The following IGF1 variants were observed in gnomAD, a reference collection of about 807,000 sequenced individuals.
IGF1 encodes the protein insulin-like growth factor 1.
A neutral mutation model predicts 13.8 loss-of-function variants in IGF1; 4 were observed. The ratio of observed to expected loss-of-function variants is 0.29; its 90% confidence interval spans 0.14 to 0.66. The LOEUF (loss-of-function observed/expected upper bound fraction) is 0.66, where lower values mean the gene tolerates loss of function less well. Among genes scored for constraint, IGF1 ranks in the 30% least tolerant of loss-of-function variants. The pLI is 0.78. For synonymous variants in IGF1, 76 were observed against 72.6 expected, an observed-to-expected ratio of 1.05 and a Z score of -0.23; for missense variants, 124 against 188.5, an observed-to-expected ratio of 0.66 and a Z score of 2.00.
At chr12:102,437,838 A>G (rs1277652093) in intron 2 of IGF1, among the ~76,000 whole-genome samples, 1 of 152,238 alleles carries the variant, frequency 6.6e-6, no homozygotes. Flanking sequence ...ACCCTGTTAG[A>G]CTTTTACACA....
At chr12:102,462,361 T>C (rs1408703560) in intron 2 of IGF1, among the ~76,000 whole-genome samples, 1 of 152,202 alleles carries the variant, frequency 6.6e-6, no homozygotes. Context: ...AAATCATTTA[T>C]ATTCATTGAA....
In IGF1 at chr12:102,464,817, C is replaced by T. The variant is rs17886237; in HGVS notation, c.220+10826G>A. The stretch of plus-strand genomic sequence containing the variant: ...TGTACAACTTGAGAGTGCGAAGATA[C>T]TTTTTCTGATTAGTGAGTACATTTC... On this transcript the variant is annotated intron_variant, in intron 2 of 3. Transcript: ENST00000337514. Among the ~76,000 whole-genome samples the T allele has an allele frequency of 4.4e-3, 671 of 152,290 alleles. 8 individuals carry two copies. Among genetic ancestry groups the T allele is most frequent in the African/African-American group, 0.015 (631 of 41,544 alleles).
chr12:102,430,220 A>G (rs1451787756), intron 2 of IGF1, among the ~76,000 whole-genome samples: 1 of 152,158 alleles, frequency 6.6e-6, no homozygotes, highest in African/African-American at 2.4e-5. Flanking sequence ...CCTTTCTGAT[A>G]CACAGTCTTT....
chr12:102,418,617 A>G (rs1875380473), intron 3 of IGF1, among the ~76,000 whole-genome samples: 1 of 152,188 alleles, frequency 6.6e-6, no homozygotes, highest in African/African-American at 2.4e-5. Context: ...CCCTTACTCA[A>G]CTTCCTTGCC....
At chr12:102,448,655 A>C (rs1039723936) in intron 2 of IGF1, among the ~76,000 whole-genome samples, 3 of 145,290 alleles carry the variant, frequency 2.1e-5, no homozygotes, top group African/African-American at 7.6e-5. Flanking sequence ...TAACTTGCAC[A>C]ATGTGCACAT....
intron 2 of IGF1, among the ~76,000 whole-genome samples, chr12:102,472,338 G>A (rs898066675): frequency 4.1e-5 from 6 of 146,634 alleles, no homozygotes; most frequent in Non-Finnish European, 7.6e-5. Flanking sequence ...AGGGGAATAT[G>A]AGCTCAATTC....
chr12:102,474,477 T>G (rs182090037), intron 2 of IGF1, among the ~76,000 whole-genome samples: 1 of 152,304 alleles, frequency 6.6e-6, no homozygotes, highest in East Asian at 1.9e-4. Flanking sequence ...CCCATCTCCC[T>G]TACTGATCTC....
At chr12:102,403,213 A>G (rs1873833166) in intron 3 of IGF1, among the ~76,000 whole-genome samples, 1 of 152,172 alleles carries the variant, frequency 6.6e-6, no homozygotes, top group Non-Finnish European at 1.5e-5. Context: ...CTAGGGTAAC[A>G]ATAATATCTA....
chr12:102,425,677 A>G (rs1252275795), intron 2 of IGF1, among the ~76,000 whole-genome samples: 2 of 152,236 alleles, frequency 1.3e-5, no homozygotes, highest in South Asian at 2.1e-4. Context: ...CCAGGAAGCT[A>G]AAGTGCAAGT....
At chr12:102,419,752 C>T (rs1875531011) in intron 2 of IGF1, 62 bp from the exon 3 acceptor site, 4 of 1,538,544 alleles carry the variant, frequency 2.6e-6, no homozygotes, top group Non-Finnish European at 3.6e-6. Context: ...CAGTCTTCCA[C>T]CCAGCTCCTG....
Position 102,475,647 on chromosome 12 carries a change from A to G in IGF1, c.216T>C (p.Tyr72=). 3 of 1,614,168 alleles carry G rather than the reference A, an allele frequency of 1.9e-6. No homozygotes were observed. The highest frequency in any genetic ancestry group is 2.2e-5 in the East Asian group (1 of 44,878). ...TTGAGAGGGAGGGCTACTTACTGAA[A>G]TAAAAGCCCCTGTCTCCACACACGA... The part of the protein sequence containing the change: ...LQFVCGDRGF[Y]FNKPTGYGSS... Residue 72 remains tyrosine (Y), a synonymous_variant, in exon 2 of 4, where the codon TAT becomes TAC. Coordinates refer to ENST00000337514, the MANE Select transcript of IGF1 (RefSeq NM_000618.5).
chr12:102,409,671 G>A (rs143131806), intron 3 of IGF1, among the ~76,000 whole-genome samples: 1 of 152,146 alleles, frequency 6.6e-6, no homozygotes, highest in East Asian at 1.9e-4. Flanking sequence ...TATCTATCTC[G>A]GGTTTGGATT....
chr12:102,441,957 T>TCCTCTTCCTC (rs71438463), intron 2 of IGF1, among the ~76,000 whole-genome samples: 2 of 134,664 alleles, frequency 1.5e-5, no homozygotes, highest in Non-Finnish European at 3.2e-5. Context: ...TTCTTCTTCT[T>TCCTCTTCCTC]TTTTTTTTTT....
At position 102,400,257 on chromosome 12, in the gene IGF1, C is replaced by G. The variant is rs576117102; in HGVS notation, c.*2250G>C. On this transcript the variant is annotated 3_prime_UTR_variant, in exon 4 of 4. Transcript: ENST00000337514. ...AAATATAGAATTTGCATGAAATAAT[C>G]AAGCCTGGGTACTTTTAACCAAAAA... 1 of 151,802 alleles carries G rather than the reference C, an allele frequency of 6.6e-6. No individual in the cohort carries two copies. Among genetic ancestry groups the G allele is most frequent in the African/African-American group, 2.4e-5 (1 of 41,414 alleles). 9.4% of individuals were successfully genotyped at this position (151,802 alleles called of 1,614,324 possible). A position where few individuals can be genotyped will look rare whatever the true frequency, so the allele number is the denominator to read the frequency against.
intron 2 of IGF1, among the ~76,000 whole-genome samples, chr12:102,457,084 G>A (rs1237804495): frequency 6.6e-6 from 1 of 152,136 alleles, no homozygotes; most frequent in African/African-American, 2.4e-5. Context: ...GCCAACCAGC[G>A]AATTCAAGGC....
At chr12:102,416,922 G>C (rs189066501) in intron 3 of IGF1, among the ~76,000 whole-genome samples, 1 of 152,298 alleles carries the variant, frequency 6.6e-6, no homozygotes, top group Non-Finnish European at 1.5e-5. Flanking sequence ...AATCCAACCT[G>C]GCTGGTGTTG....
chr12:102,478,556 T>C, intron 1 of IGF1: 3 of 1,603,158 alleles, frequency 1.9e-6, no homozygotes, highest in Non-Finnish European at 2.6e-6. Flanking sequence ...ATGAGGCCGA[T>C]GTGAATAGAA....
chr12:102,457,281 C>T (rs1879495125), intron 2 of IGF1, among the ~76,000 whole-genome samples: 1 of 152,222 alleles, frequency 6.6e-6, no homozygotes, highest in Non-Finnish European at 1.5e-5. Flanking sequence ...GAGGAATCCT[C>T]ATGCTAAAAG....
At chr12:102,446,887 G>A (rs1265564874) in intron 2 of IGF1, among the ~76,000 whole-genome samples, 1 of 152,132 alleles carries the variant, frequency 6.6e-6, no homozygotes, top group African/African-American at 2.4e-5. Context: ...TCTAAAAACT[G>A]CTTTAGCTGT....
Sources: allele counts gnomAD v4.1 joint callset (sites outside exome capture counted in the v4.1 genomes callset), GRCh38; gene constraint gnomAD v4.1.1; transcripts MANE v1.5; gene names NCBI Gene and HGNC (gene_info 2026-07-23, HGNC 2026-07-21).